SETBP1: variants seen among roughly 807,000 people sequenced by gnomAD.
The protein encoded by SETBP1 is SET-binding protein.
SETBP1 carries 9 observed loss-of-function variants against 101.0 expected under a neutral mutation model. That is an observed-to-expected ratio of 0.09 (90% CI 0.05 to 0.16). The LOEUF (loss-of-function observed/expected upper bound fraction) is 0.16, where lower values mean the gene tolerates loss of function less well. Among genes scored for constraint, SETBP1 ranks in the 10% least tolerant of loss-of-function variants. SETBP1 has a pLI of 1.00. For missense variants in SETBP1, 1,858 were observed against 2,033.8 expected, an observed-to-expected ratio of 0.91 and a Z score of 1.66; for synonymous variants, 818 against 788.5, an observed-to-expected ratio of 1.04 and a Z score of -0.63.
In SETBP1 at chr18:44,689,830, G is replaced by A. The variant is rs539176213; in HGVS notation, c.-173+8809G>A. ...CAGCATAGGGCTCTGTGGAGTGTAAGGCAGCAAGACAGATGGGATGGTGTC... is the reference window on the plus strand; with the variant it reads ...CAGCATAGGGCTCTGTGGAGTGTAAAGCAGCAAGACAGATGGGATGGTGTC... On this transcript the variant is annotated intron_variant, in intron 1 of 5. Coordinates refer to ENST00000649279, the MANE Select transcript of SETBP1 (RefSeq NM_015559.3). 2.3e-4 allele frequency among the ~76,000 whole-genome samples: 35 copies of A among 152,288 alleles called. No homozygotes were observed. In the South Asian group the frequency reaches 6.9e-3, roughly 30 times the overall value.
At chr18:44,786,341 G>A (rs961830612) in intron 2 of SETBP1, among the ~76,000 whole-genome samples, 33 of 152,282 alleles carry the variant, frequency 2.2e-4, no homozygotes, top group African/African-American at 7.5e-4. Context: ...ATTGACAACA[G>A]CCCAGATTTA....
intron 2 of SETBP1, among the ~76,000 whole-genome samples, chr18:44,859,889 C>T (rs951592276): frequency 6.6e-6 from 1 of 152,198 alleles, no homozygotes; most frequent in Non-Finnish European, 1.5e-5. Context: ...GGATGCCCAC[C>T]TGTAATCATG....
At chr18:44,921,158 A>G (rs557465178) in intron 3 of SETBP1, among the ~76,000 whole-genome samples, 1 of 152,366 alleles carries the variant, frequency 6.6e-6, no homozygotes, top group African/African-American at 2.4e-5. Context: ...AAAGTCAACC[A>G]TTGATTTAGG....
At chr18:44,702,351 A>G (rs899072719) in intron 2 of SETBP1, among the ~76,000 whole-genome samples, 1 of 152,202 alleles carries the variant, frequency 6.6e-6, no homozygotes, top group Non-Finnish European at 1.5e-5. Flanking sequence ...TTCAAGTGTC[A>G]TCTGTACTTA....
At chr18:45,014,873 A>G in intron 4 of SETBP1, among the ~76,000 whole-genome samples, 1 of 152,212 alleles carries the variant, frequency 6.6e-6, no homozygotes, top group East Asian at 1.9e-4. Flanking sequence ...ATACATGAAA[A>G]GGTCTTAGAG....
chr18:44,734,174 T>C (rs1197647116), intron 2 of SETBP1, among the ~76,000 whole-genome samples: 1 of 152,212 alleles, frequency 6.6e-6, no homozygotes, highest in Non-Finnish European at 1.5e-5. Context: ...ATAGGCAGTA[T>C]AAGAATTTGT....
intron 2 of SETBP1, among the ~76,000 whole-genome samples, chr18:44,751,831 G>A (rs1433756152): frequency 6.6e-6 from 1 of 152,124 alleles, no homozygotes; most frequent in African/African-American, 2.4e-5. Flanking sequence ...CACAGTTCTG[G>A]TAGCTAGGAA....
At chr18:44,835,243 G>A (rs187011131) in intron 2 of SETBP1, among the ~76,000 whole-genome samples, 23 of 152,252 alleles carry the variant, frequency 1.5e-4, no homozygotes, top group Admixed American at 2.0e-4. Flanking sequence ...CTCCAAGGGA[G>A]GGGCTCTACA....
chr18:44,949,189 C>A lies in SETBP1; in HGVS notation c.541-692C>A, dbSNP rs116528437. On this transcript the variant is annotated intron_variant, in intron 3 of 5. Transcript: ENST00000649279. ...CTTGTGTGTTTCTTTTCTTCCATTT[C>A]TTCTCCGTGCCCTCGATTGGCCCAC... is the stretch of plus-strand genomic sequence containing the variant. Among the ~76,000 whole-genome samples the A allele has an allele frequency of 5.6e-3, 854 of 152,302 alleles. 8 individuals carry two copies. The highest frequency in any genetic ancestry group is 0.019 in the African/African-American group (796 of 41,546).
intron 2 of SETBP1, among the ~76,000 whole-genome samples, chr18:44,788,334 A>G (rs1257556223): frequency 3.3e-5 from 5 of 152,214 alleles, no homozygotes; most frequent in African/African-American, 1.2e-4. Flanking sequence ...TTCAGGAGAC[A>G]GGATATCACT....
At chr18:44,911,658 T>C (rs1345522768) in intron 3 of SETBP1, among the ~76,000 whole-genome samples, 1 of 152,220 alleles carries the variant, frequency 6.6e-6, no homozygotes, top group Admixed American at 6.5e-5. Context: ...GCTTAAATTG[T>C]ACTACAGGTC....
chr18:45,060,366 G>A (rs56054833), intron 5 of SETBP1, among the ~76,000 whole-genome samples: 1 of 152,126 alleles, frequency 6.6e-6, no homozygotes, highest in Non-Finnish European at 1.5e-5. Flanking sequence ...AACAGTATGT[G>A]AGTGTTCCTA....
At chr18:45,038,747 TTC>T in intron 5 of SETBP1, 92 bp downstream of exon 5, 2 of 1,389,104 alleles carry the variant, frequency 1.4e-6, no homozygotes, top group Non-Finnish European at 2.0e-6. Flanking sequence ...CAGGTAAGAG[TTC>T]TCTGTTTTGC....
chr18:44,951,119 G>C lies in SETBP1; in HGVS notation c.1779G>C (p.Gln593His). Reference sequence around the variant, plus strand: ...AGAAGCGGGGACGACCAAAGAAGCAGCCTTTGCTCACAGTCGAGACGATTC... The same window carrying C: ...AGAAGCGGGGACGACCAAAGAAGCACCCTTTGCTCACAGTCGAGACGATTC... ...VKKKRGRPKK[Q>H]PLLTVETIHE... Residue 593 changes from glutamine (Q) to histidine (H), a missense_variant, in exon 4 of 6, where the codon CAG becomes CAC. Gln to His is a conservative substitution (Grantham distance 24, BLOSUM62 0). Transcript: ENST00000649279. This position sits in a 1 kb window ranked among gnomAD's most constrained non-coding sequence, Gnocchi z 7.8. 1.2e-6 allele frequency: 2 copies of C among 1,614,080 alleles called. No individual in the cohort carries two copies. The highest frequency in any genetic ancestry group is 1.7e-6 in the Non-Finnish European group (2 of 1,180,022).
At position 44,701,760 on chromosome 18, in the gene SETBP1, C is replaced by T; in HGVS notation, c.414C>T (p.Asp138=). ...AGATCACCATCAAGCAGTCTGGGGA[C>T]CAGAAGGTGTCCCGTGCTGGAAAAA... The part of the protein sequence containing the change: ...EIKITIKQSG[D]QKVSRAGKNS... Residue 138 remains aspartate, a synonymous_variant, in exon 2 of 6, where the codon GAC becomes GAT. Coordinates refer to ENST00000649279, the MANE Select transcript of SETBP1 (RefSeq NM_015559.3). 6.2e-7 allele frequency: 1 copy of T among 1,614,012 alleles called. No individual in the cohort carries two copies. The highest frequency in any genetic ancestry group is 8.5e-7 in the Non-Finnish European group (1 of 1,179,990).
At chr18:44,732,132 A>C (rs976701194) in intron 2 of SETBP1, among the ~76,000 whole-genome samples, 3 of 152,216 alleles carry the variant, frequency 2.0e-5, no homozygotes, top group Non-Finnish European at 2.9e-5. Flanking sequence ...GACTCTTTGC[A>C]TGAAGGATTT....
intron 1 of SETBP1, among the ~76,000 whole-genome samples, chr18:44,690,606 T>G (rs775005186): frequency 1.4e-4 from 22 of 152,346 alleles, no homozygotes; most frequent in Middle Eastern, 3.4e-3. Context: ...ATACAGAATA[T>G]TTGAAGACTG....
intron 1 of SETBP1, among the ~76,000 whole-genome samples, chr18:44,684,708 G>A (rs1005012205): frequency 1.4e-4 from 21 of 151,738 alleles, no homozygotes; most frequent in East Asian, 1.9e-4. Flanking sequence ...GTGCAGTGGC[G>A]TGATCTTGGC....
At chr18:44,709,976 A>G (rs572255419) in intron 2 of SETBP1, among the ~76,000 whole-genome samples, 51 of 152,214 alleles carry the variant, frequency 3.4e-4, no homozygotes, top group Non-Finnish European at 6.0e-4. Flanking sequence ...GCAGTGTCAA[A>G]GGAACCATCA....
Sources: allele counts gnomAD v4.1 joint callset (sites outside exome capture counted in the v4.1 genomes callset), GRCh38; gene constraint gnomAD v4.1.1; non-coding constraint Gnocchi (gnomAD v3.1); transcripts MANE v1.5; gene names NCBI Gene and HGNC (gene_info 2026-07-23, HGNC 2026-07-21).